The following BNC2 variants were observed in gnomAD, a reference collection of about 807,000 sequenced individuals.
BNC2 encodes the protein zinc finger protein basonuclin-2.
BNC2 carries 20 observed loss-of-function variants against 76.3 expected under a neutral mutation model. The ratio of observed to expected loss-of-function variants is 0.26; its 90% CI spans 0.18 to 0.38. The LOEUF (loss-of-function observed/expected upper bound fraction) is 0.38, where lower values mean the gene tolerates loss of function less well. Ranked by LOEUF, BNC2 falls within the 10% of genes least tolerant of loss-of-function variation. The pLI is 1.00. For missense variants in BNC2, 1,382 were observed against 1,399.8 expected (o/e 0.99, Z 0.20); for synonymous variants, 582 against 514.8 (o/e 1.13, Z -1.77).
chr9:16,796,955 C>T (rs1474943677), intron 1 of BNC2, among the ~76,000 whole-genome samples: 1 of 152,136 alleles, frequency 6.6e-6, no homozygotes, highest in Non-Finnish European at 1.5e-5. Context: ...AAAAGTGGGG[C>T]TTCTACGATA....
At chr9:16,723,736 T>C (rs1824235170) in intron 3 of BNC2, among the ~76,000 whole-genome samples, 1 of 152,112 alleles carries the variant, frequency 6.6e-6, no homozygotes, top group Non-Finnish European at 1.5e-5. Context: ...ATATCTCTGG[T>C]GAGCAGACGC....
At chr9:16,508,406 C>T (rs1218500448) in intron 5 of BNC2, among the ~76,000 whole-genome samples, 1 of 152,170 alleles carries the variant, frequency 6.6e-6, no homozygotes, top group Non-Finnish European at 1.5e-5. Flanking sequence ...ACAAAAGAGA[C>T]ACAGTCCTTC....
chr9:16,825,545 G>A (rs1818433540), intron 1 of BNC2, among the ~76,000 whole-genome samples: 1 of 151,996 alleles, frequency 6.6e-6, no homozygotes, highest in South Asian at 2.1e-4. Flanking sequence ...CTGCTTGCTG[G>A]CATGTATGCT....
intron 1 of BNC2, among the ~76,000 whole-genome samples, chr9:16,766,302 T>G (rs1327488260): frequency 6.6e-6 from 1 of 152,118 alleles, no homozygotes; most frequent in African/African-American, 2.4e-5. Flanking sequence ...TTCTTTCAAC[T>G]TGGGGGAAGG....
intron 3 of BNC2, among the ~76,000 whole-genome samples, chr9:16,616,739 G>A (rs1190151512): frequency 2.8e-5 from 4 of 144,908 alleles, no homozygotes; most frequent in African/African-American, 7.7e-5. Context: ...GAAGAAAGGG[G>A]GAAAGGAAGG....
At chr9:16,851,720 C>G (rs1415127885) in intron 1 of BNC2, among the ~76,000 whole-genome samples, 1 of 152,100 alleles carries the variant, frequency 6.6e-6, no homozygotes, top group Non-Finnish European at 1.5e-5. Context: ...GCCAGTGAAG[C>G]ATCATTAACA....
intron 4 of BNC2, chr9:16,579,727 A>G (rs757245797): frequency 5.8e-6 from 1 of 171,404 alleles, no homozygotes; most frequent in Non-Finnish European, 1.2e-5. Context: ...AGAGACACAC[A>G]TATGTGCATA....
chr9:16,574,187 G>C (rs767505817), intron 4 of BNC2, among the ~76,000 whole-genome samples: 1 of 152,132 alleles, frequency 6.6e-6, no homozygotes, highest in Non-Finnish European at 1.5e-5. Context: ...GTGAACTCCA[G>C]TTAATTAAGA....
intron 1 of BNC2, among the ~76,000 whole-genome samples, chr9:16,757,502 T>A (rs1586859408): frequency 6.6e-6 from 1 of 152,148 alleles, no homozygotes; most frequent in Non-Finnish European, 1.5e-5. Flanking sequence ...GAAATCGAAA[T>A]GTGAGAAATA....
At chr9:16,714,363 C>T (rs972311968) in intron 3 of BNC2, among the ~76,000 whole-genome samples, 8 of 152,172 alleles carry the variant, frequency 5.3e-5, no homozygotes, top group African/African-American at 1.9e-4. Context: ...TGCTTCCCTC[C>T]CCTTATATTA....
intron 5 of BNC2, among the ~76,000 whole-genome samples, chr9:16,445,119 T>G (rs1344382343): frequency 6.6e-6 from 1 of 152,200 alleles, no homozygotes; most frequent in African/African-American, 2.4e-5. Context: ...CAATAGATTC[T>G]GGGAAGCATT....
At chr9:16,792,634 T>G (rs1215004523) in intron 1 of BNC2, among the ~76,000 whole-genome samples, 1 of 152,302 alleles carries the variant, frequency 6.6e-6, no homozygotes, top group African/African-American at 2.4e-5. Context: ...TTCTAGTGAG[T>G]AGAAGCATAA....
At chr9:16,852,661 G>A (rs1819155244) in intron 1 of BNC2, among the ~76,000 whole-genome samples, 1 of 152,006 alleles carries the variant, frequency 6.6e-6, no homozygotes, top group African/African-American at 2.4e-5. Context: ...GTGCTGTGAA[G>A]AAAAAAATCA....
intron 5 of BNC2, among the ~76,000 whole-genome samples, chr9:16,543,869 T>A (rs976954783): frequency 1.3e-5 from 2 of 152,120 alleles, no homozygotes; most frequent in Non-Finnish European, 2.9e-5. Context: ...CAGGACAGTG[T>A]TTGTAGAGTG....
At chr9:16,854,996 G>C (rs186965921) in intron 1 of BNC2, among the ~76,000 whole-genome samples, 149 of 151,936 alleles carry the variant, frequency 9.8e-4, no homozygotes, top group African/African-American at 3.3e-3. Context: ...ACCCCATAAA[G>C]AGATGAACAA....
chr9:16,752,442 G>T (rs890020877), intron 1 of BNC2, among the ~76,000 whole-genome samples: 3 of 152,150 alleles, frequency 2.0e-5, no homozygotes, highest in African/African-American at 7.2e-5. Context: ...GGCGGCAGTA[G>T]TTAAGTCAAA....
intron 1 of BNC2, among the ~76,000 whole-genome samples, chr9:16,774,389 A>G (rs1318118936): frequency 6.6e-6 from 1 of 152,222 alleles, no homozygotes; most frequent in East Asian, 1.9e-4. Context: ...AATGCATCCA[A>G]TGACAGTTTC....
intron 1 of BNC2, among the ~76,000 whole-genome samples, chr9:16,788,607 T>C (rs886120748): frequency 1.3e-5 from 2 of 149,020 alleles, no homozygotes; most frequent in Non-Finnish European, 3.0e-5. Flanking sequence ...GTTGATTCAA[T>C]GACAGTCTAC....
At chr9:16,741,345 C>T (rs1323173517) in intron 1 of BNC2, among the ~76,000 whole-genome samples, 2 of 151,898 alleles carry the variant, frequency 1.3e-5, no homozygotes, top group African/African-American at 4.8e-5. Flanking sequence ...ACCAACTACT[C>T]AGGAGGCTGA....
Sources: gnomAD v4.1 joint callset for allele counts (sites outside exome capture counted in the v4.1 genomes callset) on GRCh38, gnomAD v4.1.1 for gene constraint, MANE v1.5 for transcripts, NCBI Gene and HGNC (gene_info 2026-07-23, HGNC 2026-07-21) for gene names.